The following LINGO2 variants were observed in gnomAD, a reference collection of about 807,000 sequenced individuals.
LINGO2 encodes the protein leucine rich repeat and Ig domain containing 2.
A neutral mutation model predicts 30.6 loss-of-function variants in LINGO2; 14 were observed. The ratio of observed to expected loss-of-function variants is 0.46; its 90% CI spans 0.30 to 0.72. The LOEUF is 0.72. Among genes scored for constraint, LINGO2 ranks in the 30% least tolerant of loss-of-function variants. LINGO2 has a pLI of 0.07. For missense variants in LINGO2, 729 were observed against 751.7 expected, an observed-to-expected ratio of 0.97 and a Z score of 0.35; for synonymous variants, 317 against 288.5, an observed-to-expected ratio of 1.10 and a Z score of -1.00.
chr9:28,522,663 T>C (rs571276277), intron 1 of LINGO2, among the ~76,000 whole-genome samples: 76 of 152,242 alleles, frequency 5.0e-4, no homozygotes, highest in Non-Finnish European at 9.4e-4. Context: ...ATATAAAATA[T>C]GATAAGAATA....
chr9:28,995,076 A>G, the LINGO2 span, among the ~76,000 whole-genome samples: 2 of 152,054 alleles, frequency 1.3e-5, no homozygotes, highest in Non-Finnish European at 2.9e-5. Context: ...ATCAGAGTGA[A>G]CAGGCAACCT....
chr9:28,931,146 A>G, the LINGO2 span, among the ~76,000 whole-genome samples: 2 of 152,198 alleles, frequency 1.3e-5, no homozygotes, highest in African/African-American at 4.8e-5. Context: ...CATATACTCC[A>G]TGGTATGATG....
intron 5 of LINGO2, among the ~76,000 whole-genome samples, chr9:27,985,915 T>C (rs1056543332): frequency 2.6e-5 from 4 of 151,982 alleles, no homozygotes; most frequent in African/African-American, 4.8e-5. Context: ...TCTGATGGAC[T>C]GGAACTGAGG....
the LINGO2 span, among the ~76,000 whole-genome samples, chr9:28,754,020 AC>A: frequency 1.2e-4 from 2 of 16,670 alleles, no homozygotes; most frequent in South Asian, 0.011. Flanking sequence ...ACACACAAAC[AC>A]ACACACACAC....
chr9:28,038,182 G>A (rs1275383851), intron 4 of LINGO2, among the ~76,000 whole-genome samples: 1 of 152,038 alleles, frequency 6.6e-6, no homozygotes, highest in African/African-American at 2.4e-5. Flanking sequence ...CCCAACATTT[G>A]TAATGGATTT....
At chr9:28,030,875 G>T (rs1823633500) in intron 4 of LINGO2, among the ~76,000 whole-genome samples, 1 of 152,170 alleles carries the variant, frequency 6.6e-6, no homozygotes, top group Non-Finnish European at 1.5e-5. Flanking sequence ...AGACTCTGAA[G>T]TCATTTAAGT....
chr9:29,171,734 G>A, the LINGO2 span, among the ~76,000 whole-genome samples: 2 of 151,704 alleles, frequency 1.3e-5, no homozygotes, highest in Admixed American at 1.3e-4. Context: ...TGAAGAAAAA[G>A]TAGAATTGCA....
At chr9:28,930,995 C>T in the LINGO2 span, among the ~76,000 whole-genome samples, 2 of 152,158 alleles carry the variant, frequency 1.3e-5, no homozygotes, top group Non-Finnish European at 2.9e-5. This position sits in a 1 kb window ranked among gnomAD's most constrained non-coding sequence, Gnocchi z 4.2. Flanking sequence ...TGAGCCATTC[C>T]TTCTTCTGGC....
the LINGO2 span, among the ~76,000 whole-genome samples, chr9:29,207,512 A>T: frequency 6.6e-6 from 1 of 152,108 alleles, no homozygotes; most frequent in Admixed American, 6.5e-5. Flanking sequence ...ATGTGCTGGG[A>T]ATCTTATATT....
At chr9:28,393,571 G>A (rs1821921723) in intron 2 of LINGO2, among the ~76,000 whole-genome samples, 1 of 152,112 alleles carries the variant, frequency 6.6e-6, no homozygotes. Flanking sequence ...TGAACCACAA[G>A]GCAAGACTAA....
intron 1 of LINGO2, among the ~76,000 whole-genome samples, chr9:28,521,359 C>T (rs992750382): frequency 2.6e-5 from 4 of 152,052 alleles, no homozygotes; most frequent in South Asian, 2.1e-4. Context: ...CTCCAGGAGG[C>T]GACACCACTG....
chr9:29,019,089 C>G, the LINGO2 span, among the ~76,000 whole-genome samples: 1 of 152,084 alleles, frequency 6.6e-6, no homozygotes, highest in South Asian at 2.1e-4. Flanking sequence ...TTTCTACACA[C>G]TAATTCAGAC....
At chr9:28,773,821 A>C in the LINGO2 span, among the ~76,000 whole-genome samples, 2 of 152,136 alleles carry the variant, frequency 1.3e-5, no homozygotes, top group African/African-American at 4.8e-5. Context: ...ACTCCTTTAA[A>C]TGTGGATGTT....
intron 5 of LINGO2, among the ~76,000 whole-genome samples, chr9:27,960,589 C>T (rs1819791282): frequency 6.7e-6 from 1 of 148,250 alleles, no homozygotes. Flanking sequence ...GCCACTCTAG[C>T]TTTCTTAAAG....
chr9:29,206,962 C>T, the LINGO2 span, among the ~76,000 whole-genome samples: 6 of 151,828 alleles, frequency 4.0e-5, no homozygotes, highest in Non-Finnish European at 8.8e-5. Flanking sequence ...TAAGCTTAAC[C>T]AGCAGGTGAC....
the LINGO2 span, among the ~76,000 whole-genome samples, chr9:28,983,934 G>C: frequency 6.6e-6 from 1 of 152,076 alleles, no homozygotes; most frequent in African/African-American, 2.4e-5. Context: ...TCTGTATCTG[G>C]AGGCTTTACA....
At chr9:28,379,684 T>C (rs966129331) in intron 2 of LINGO2, among the ~76,000 whole-genome samples, 2 of 152,060 alleles carry the variant, frequency 1.3e-5, no homozygotes, top group African/African-American at 4.8e-5. Flanking sequence ...CTGTAGTATA[T>C]AGAGGAAGGT....
chr9:28,315,987 T>C (rs1043397571), intron 3 of LINGO2, among the ~76,000 whole-genome samples: 11 of 152,186 alleles, frequency 7.2e-5, no homozygotes, highest in African/African-American at 1.9e-4. Context: ...CACTTACCTA[T>C]GTGATTGTTG....
chr9:28,703,476 A>T, the LINGO2 span, among the ~76,000 whole-genome samples: 1 of 151,952 alleles, frequency 6.6e-6, no homozygotes, highest in African/African-American at 2.4e-5. Context: ...GAGAACAGAC[A>T]TTATATAAAT....
Sources: gnomAD v4.1 joint callset for allele counts (sites outside exome capture counted in the v4.1 genomes callset) on GRCh38, gnomAD v4.1.1 for gene constraint, Gnocchi (gnomAD v3.1) non-coding constraint, MANE v1.5 for transcripts, NCBI Gene and HGNC (gene_info 2026-07-23, HGNC 2026-07-21) for gene names.